The following WASHC2C variants were observed in gnomAD, a reference collection of about 807,000 sequenced individuals.
WASHC2C encodes the protein WASH complex subunit 2C.
In WASHC2C, 73 loss-of-function variants were observed where a neutral mutation model predicts 142.2. That is an observed-to-expected ratio of 0.51 (90% CI 0.43 to 0.62). The LOEUF is 0.62. Ranked by LOEUF, WASHC2C falls within the 20% of genes least tolerant of loss-of-function variation. The probability of loss-of-function intolerance (pLI) is 0.00; values close to 1 mark genes in which losing one functional copy is unlikely to be tolerated. For synonymous variants in WASHC2C, 337 were observed against 565.5 expected (o/e 0.60, Z 5.73); for missense variants, 969 against 1,531.7 (o/e 0.63, Z 6.13).
rs1333337699 is a variant in WASHC2C, at chr10:45,780,624, CA to C, written c.2478+1495del. On this transcript the variant is annotated intron_variant, in intron 23 of 30. Coordinates refer to ENST00000623400, the MANE Select transcript of WASHC2C (RefSeq NM_001330074.2). ...TATATAGAAAGTCTTAAGGAATCTGCAAAAAACATCCATTGGAAATAAAGTC... is the reference window on the plus strand; with the variant it reads ...TATATAGAAAGTCTTAAGGAATCTGCAAAAACATCCATTGGAAATAAAGTC... Among the ~76,000 whole-genome samples, 6 of 151,852 alleles carry C rather than the reference CA, an allele frequency of 4.0e-5. No individual in the cohort carries two copies. In the East Asian group the frequency reaches 1.2e-3, roughly 29 times the overall value.
intron 8 of WASHC2C, 94 bp downstream of exon 8, chr10:45,746,741 T>C: frequency 6.5e-7 from 1 of 1,537,706 alleles, no homozygotes; most frequent in African/African-American, 1.4e-5. Context: ...TATGACCAAG[T>C]GAGGATTTTT....
At chr10:45,735,720 A>G (rs2051142324) in intron 3 of WASHC2C, among the ~76,000 whole-genome samples, 2 of 152,256 alleles carry the variant, frequency 1.3e-5, no homozygotes, top group Admixed American at 1.3e-4. Context: ...AATTTCAAGA[A>G]GTAGAATTTT....
chr10:45,742,750 C>T (rs1470329423), intron 5 of WASHC2C, among the ~76,000 whole-genome samples: 25 of 151,956 alleles, frequency 1.6e-4, no homozygotes, highest in Middle Eastern at 3.4e-3. Context: ...GAGGTTGTAC[C>T]CTTTTCCCTG....
At chr10:45,749,836 A>AAAAAAAAT (rs1227809519) in intron 8 of WASHC2C, among the ~76,000 whole-genome samples, 21 of 101,768 alleles carry the variant, frequency 2.1e-4, no homozygotes, top group South Asian at 7.0e-4. Flanking sequence ...AAAAAAAAAA[A>AAAAAAAAT]ATATATATAT....
intron 20 of WASHC2C, among the ~76,000 whole-genome samples, chr10:45,772,152 C>T (rs1554884863): frequency 6.6e-6 from 1 of 151,986 alleles, no homozygotes; most frequent in Non-Finnish European, 1.5e-5. Context: ...TCACAGAAAA[C>T]CACATATTGT....
intron 5 of WASHC2C, among the ~76,000 whole-genome samples, chr10:45,742,586 G>A (rs2052243681): frequency 6.6e-6 from 1 of 152,254 alleles, no homozygotes; most frequent in African/African-American, 2.4e-5. Context: ...AAAGTGCTGG[G>A]ATTACAGGCA....
chr10:45,766,580 A>G (rs2055857772), intron 19 of WASHC2C, among the ~76,000 whole-genome samples: 1 of 144,538 alleles, frequency 6.9e-6, no homozygotes, highest in African/African-American at 2.6e-5. Context: ...CATATATACT[A>G]GTATCTTGTT....
chr10:45,792,870 G>T lies in WASHC2C; in HGVS notation c.*470G>T. The T allele has an allele frequency of 2.1e-6, 1 of 470,266 alleles. No homozygotes were observed. The highest frequency in any genetic ancestry group is 1.6e-5 in the South Asian group (1 of 64,480). 29.1% of individuals were successfully genotyped at this position (470,266 alleles called of 1,614,324 possible). A position where few individuals can be genotyped will look rare whatever the true frequency, so the allele number is the denominator to read the frequency against. On this transcript the variant is annotated 3_prime_UTR_variant, in exon 31 of 31. Transcript: ENST00000623400. ...GAGCAGGTTTTCACTGAATTCTGAG[G>T]GTGCCTCTGCATGTCCTCCAAGGCA... is the stretch of plus-strand genomic sequence containing the variant.
In WASHC2C at chr10:45,764,055, G is replaced by T. The variant is rs1285270252; in HGVS notation, c.1737+566G>T. On this transcript the variant is annotated intron_variant, in intron 18 of 30. Coordinates refer to ENST00000623400, the MANE Select transcript of WASHC2C (RefSeq NM_001330074.2). ...CTACAGGTTTTATTTTTAGAAATCT[G>T]CCTTTGAGAAATACAATTGACCCTT... is the stretch of plus-strand genomic sequence containing the variant. Among the ~76,000 whole-genome samples, 29 of 151,468 alleles carry T rather than the reference G, an allele frequency of 1.9e-4. 1 individual carries two copies. Among genetic ancestry groups the T allele is most frequent in the African/African-American group, 4.8e-4 (20 of 41,278 alleles).
chr10:45,731,483 G>A (rs1276264503), intron 3 of WASHC2C, among the ~76,000 whole-genome samples: 1 of 144,610 alleles, frequency 6.9e-6, no homozygotes, highest in Non-Finnish European at 1.5e-5. Context: ...TGCAACCTCC[G>A]CCTCCCGGGT....
At chr10:45,751,687 A>C in intron 11 of WASHC2C, 134 bp downstream of exon 11, 6 of 1,512,846 alleles carry the variant, frequency 4.0e-6, no homozygotes, top group Non-Finnish European at 5.4e-6. Flanking sequence ...TACTTTTCTA[A>C]AGCCTCTGGG....
chr10:45,773,434 C>A, intron 21 of WASHC2C, 76 bp downstream of exon 21: 1 of 610,548 alleles, frequency 1.6e-6, no homozygotes, highest in East Asian at 2.8e-5. Context: ...CCCGAATCAG[C>A]TCTTCATACC....
chr10:45,764,519 C>T (rs1187930444), intron 18 of WASHC2C, among the ~76,000 whole-genome samples: 1 of 149,616 alleles, frequency 6.7e-6, no homozygotes, highest in Non-Finnish European at 1.5e-5. Flanking sequence ...GAGGAGGCAG[C>T]CATGTCCTGA....
chr10:45,755,124 T>C lies in WASHC2C; in HGVS notation c.1420+9T>C. On this transcript the variant is annotated intron_variant, in intron 15 of 30. Coordinates refer to ENST00000623400, the MANE Select transcript of WASHC2C (RefSeq NM_001330074.2). ...CAAACCTTCTAAAACACGTATGTGTTCCTGCCTCCGTTTCTAGGACTTCAG... is the reference window on the plus strand; with the variant it reads ...CAAACCTTCTAAAACACGTATGTGTCCCTGCCTCCGTTTCTAGGACTTCAG... 2 of 1,598,962 alleles carry C rather than the reference T, an allele frequency of 1.3e-6. No individual in the cohort carries two copies. Among genetic ancestry groups the C allele is most frequent in the Non-Finnish European group, 1.7e-6 (2 of 1,173,240 alleles).
At chr10:45,784,284 A>G (rs1410938325) in intron 23 of WASHC2C, among the ~76,000 whole-genome samples, 4 of 6,458 alleles carry the variant, frequency 6.2e-4, no homozygotes, top group Admixed American at 2.9e-3. Context: ...ATATATATAT[A>G]TATATACACA....
chr10:45,745,330 C>A (rs2052680592), intron 7 of WASHC2C, among the ~76,000 whole-genome samples: 2 of 152,132 alleles, frequency 1.3e-5, no homozygotes, highest in South Asian at 4.1e-4. Flanking sequence ...TTTGCTGCTG[C>A]CGCTAGCGCT....
intron 5 of WASHC2C, among the ~76,000 whole-genome samples, chr10:45,741,738 G>A (rs1230164538): frequency 2.6e-5 from 4 of 151,614 alleles, no homozygotes; most frequent in Non-Finnish European, 4.4e-5. Flanking sequence ...GGACAGGGCA[G>A]CATTTCCTTC....
intron 3 of WASHC2C, among the ~76,000 whole-genome samples, chr10:45,735,804 G>A (rs2051153493): frequency 6.6e-6 from 1 of 152,186 alleles, no homozygotes; most frequent in Non-Finnish European, 1.5e-5. Flanking sequence ...TGGGTGGACA[G>A]GAGCCATTGC....
intron 4 of WASHC2C, among the ~76,000 whole-genome samples, chr10:45,739,117 T>C (rs1589609969): frequency 6.6e-6 from 1 of 151,642 alleles, no homozygotes; most frequent in African/African-American, 2.4e-5. Flanking sequence ...TTTAGTGTAC[T>C]ATTTTTAAAA....
Sources: allele counts gnomAD v4.1 joint callset (sites outside exome capture counted in the v4.1 genomes callset), GRCh38; gene constraint gnomAD v4.1.1; transcripts MANE v1.5; gene names NCBI Gene and HGNC (gene_info 2026-07-23, HGNC 2026-07-21).